Variants in CRIP2 observed in about 807,000 individuals in gnomAD.
CRIP2 encodes cysteine rich protein 2.
Under a neutral mutation model 31.3 loss-of-function variants are expected in CRIP2, and 31 were observed. The ratio of observed to expected loss-of-function variants is 0.99; its 90% confidence interval spans 0.74 to 1.34. The LOEUF (loss-of-function observed/expected upper bound fraction) is 1.34. Among genes scored for constraint, CRIP2 ranks in the 40% most tolerant of loss-of-function variants. CRIP2 has a pLI of 0.00. For synonymous variants in CRIP2, 177 were observed against 127.2 expected (o/e 1.39, Z -2.63); for missense variants, 389 against 301.6 (o/e 1.29, Z -2.15).
chr14:105,477,870 G>A (rs1426720231), intron 1 of CRIP2, among the ~76,000 whole-genome samples: 2 of 45,518 alleles, frequency 4.4e-5, no homozygotes, highest in African/African-American at 8.9e-5. Flanking sequence ...GTGTTGGAGC[G>A]CGGGCAGGTG....
At chr14:105,473,189 C>T, upstream of CRIP2, 1 of 1,526,372 alleles carries the variant, frequency 6.6e-7, no homozygotes, top group South Asian at 1.2e-5. Context: ...CTGTGAGGGA[C>T]CCCTAGGGAC....
intron 1 of CRIP2, 151 bp downstream of exon 1, chr14:105,475,056 C>A: frequency 9.9e-7 from 1 of 1,005,274 alleles, no homozygotes. Context: ...GGCCGCGCTG[C>A]CCAAGCGGCT....
At chr14:105,474,389 C>A (rs1555435296), upstream of CRIP2, 1 of 151,706 alleles carries the variant, frequency 6.6e-6, no homozygotes, top group Non-Finnish European at 1.5e-5. This position sits in a 1 kb window ranked among gnomAD's most constrained non-coding sequence, Gnocchi z 5.1. Context: ...TCTCCCGGAG[C>A]CTGCGACCCC....
chr14:105,475,973 T>C, intron 1 of CRIP2: 4 of 985,490 alleles, frequency 4.1e-6, no homozygotes, highest in Non-Finnish European at 4.8e-6. Context: ...GCTCACAGGC[T>C]GGAGGGGGTT....
rs1657864355 is a variant in CRIP2 at position 105,478,144 on chromosome 14, C to T, written c.44-122C>T. On this transcript the variant is annotated intron_variant, in intron 1 of 7. Coordinates refer to ENST00000329146, the MANE Select transcript of CRIP2 (RefSeq NM_001312.4). This position sits in a 1 kb window ranked among gnomAD's most constrained non-coding sequence, Gnocchi z 4.9. ...GGGCCCGCCAGGTGGAAGGAAGGCG[C>T]CTGGGAGACCTCCTGAAAGTGGGGA... 5.4e-6 allele frequency: 4 copies of T among 736,270 alleles called. No individual in the cohort carries two copies. The highest frequency in any genetic ancestry group is 3.3e-5 in the Admixed American group (1 of 30,074). The allele number at this position is 736,270 out of a possible 1,614,324, so 45.6% of individuals were successfully genotyped here.
chr14:105,474,243 A>ATGGAGACCCGGACAGGGC (rs2083886875), upstream of CRIP2: 2 of 149,624 alleles, frequency 1.3e-5, no homozygotes, highest in Non-Finnish European at 3.0e-5. This position sits in a 1 kb window ranked among gnomAD's most constrained non-coding sequence, Gnocchi z 5.1. Context: ...GGAGCGGGAC[A>ATGGAGACCCGGACAGGGC]TGGAGACCCG....
At chr14:105,473,806 T>G (rs1555435223), upstream of CRIP2, among the ~76,000 whole-genome samples, 1 of 151,834 alleles carries the variant, frequency 6.6e-6, no homozygotes, top group Non-Finnish European at 1.5e-5. Flanking sequence ...AGTGGGGGTG[T>G]GGGGGTGCGG....
rs2083990914 is a variant in CRIP2, at chr14:105,478,170, C to T, written c.44-96C>T. 6.0e-6 allele frequency: 6 copies of T among 993,792 alleles called. No individual in the cohort carries two copies. The South Asian group carries it at 8.7e-5, about 14-fold the overall frequency. The allele number at this position is 993,792 out of a possible 1,614,324, so 61.6% of individuals were successfully genotyped here. A position where few individuals can be genotyped will look rare whatever the true frequency, so the allele number is the denominator to read the frequency against. On this transcript the variant is annotated intron_variant, in intron 1 of 7. Transcript: ENST00000329146. The surrounding 1 kb of genome is among the most constrained non-coding windows in gnomAD (Gnocchi z 4.9). Reference sequence around the variant, plus strand: ...CTGGGAGACCTCCTGAAAGTGGGGACCCCCGGAGCGCGTGGGGGTGGTGGC... The same window carrying T: ...CTGGGAGACCTCCTGAAAGTGGGGATCCCCGGAGCGCGTGGGGGTGGTGGC...
Position 105,478,125 on chromosome 14 carries a change from G to C in CRIP2, c.44-141G>C. The C allele has an allele frequency of 1.6e-6, 1 of 642,224 alleles. No homozygotes were observed. The allele number at this position is 642,224 out of a possible 1,614,324, so 39.8% of individuals were successfully genotyped here. On this transcript the variant is annotated intron_variant, in intron 1 of 7. Coordinates refer to ENST00000329146, the MANE Select transcript of CRIP2 (RefSeq NM_001312.4). This position sits in a 1 kb window ranked among gnomAD's most constrained non-coding sequence, Gnocchi z 4.9. ...GGTCTCAGAAGGAGGGGCAGGGCCC[G>C]CCAGGTGGAAGGAAGGCGCCTGGGA...
At chr14:105,479,278 G>A (rs922463911) in intron 6 of CRIP2, 59 bp downstream of exon 6, 4 of 1,534,918 alleles carry the variant, frequency 2.6e-6, no homozygotes, top group Non-Finnish European at 3.5e-6. Flanking sequence ...GGGGGGATGA[G>A]GGTGAGAGGC....
chr14:105,478,868 A>G lies in CRIP2; in HGVS notation c.334A>G (p.Arg112Gly), dbSNP rs2084016518. 7.0e-7 allele frequency: 1 copy of G among 1,436,506 alleles called. No homozygotes were observed. Among genetic ancestry groups the G allele is most frequent in the Non-Finnish European group, 9.0e-7 (1 of 1,106,244 alleles). 89.0% of individuals were successfully genotyped at this position (1,436,506 alleles called of 1,614,324 possible). ...KASGPPKGPS[R>G]ASSVTTFTGE... ...GAGCGGCCCCCCGAAGGGGCCCAGC[A>G]GAGGTGGGCTGGGCGCGGGCTGGGG... is the stretch of plus-strand genomic sequence containing the variant. The change falls in exon 4 of 8, where the codon AGA becomes GGA. Residue 112 changes from arginine to glycine, a missense_variant. Physicochemically the swap from Arg to Gly is moderately radical, Grantham distance 125. Transcript: ENST00000329146. This position sits in a 1 kb window ranked among gnomAD's most constrained non-coding sequence, Gnocchi z 4.9.
intron 1 of CRIP2, chr14:105,477,378 G>A (rs587694445): frequency 1.3e-5 from 13 of 985,130 alleles, no homozygotes; most frequent in Non-Finnish European, 1.6e-5. Flanking sequence ...GGTTTAGGAC[G>A]AGGAATCCAC....
At position 105,478,714 on chromosome 14, in the gene CRIP2, C is replaced by T. The variant is rs1555436488; in HGVS notation, c.197-17C>T. 1.3e-5 allele frequency: 18 copies of T among 1,434,658 alleles called. No individual in the cohort carries two copies. The allele number at this position is 1,434,658 out of a possible 1,614,324, so 88.9% of individuals were successfully genotyped here. Reference sequence around the variant, plus strand: ...CCCCACCCCACGTACCCCCGCCCCACGTACCCCCACCCGCAGGCGTGAACA... The same window carrying T: ...CCCCACCCCACGTACCCCCGCCCCATGTACCCCCACCCGCAGGCGTGAACA... On this transcript the variant is annotated splice_polypyrimidine_tract_variant and intron_variant, in intron 3 of 7. Coordinates refer to ENST00000329146, the MANE Select transcript of CRIP2 (RefSeq NM_001312.4). This position sits in a 1 kb window ranked among gnomAD's most constrained non-coding sequence, Gnocchi z 4.9.
At chr14:105,479,291 G>T in intron 6 of CRIP2, 72 bp downstream of exon 6, 2 of 1,508,254 alleles carry the variant, frequency 1.3e-6, no homozygotes, top group Non-Finnish European at 1.8e-6. Flanking sequence ...TGAGAGGCGC[G>T]CCTAGAGGGG....
Position 105,479,764 on chromosome 14 carries a change from C to A in CRIP2, c.*111C>A. 1 of 1,238,272 alleles carries A rather than the reference C, an allele frequency of 8.1e-7. No individual in the cohort carries two copies. The highest frequency in any genetic ancestry group is 1.1e-6 in the Non-Finnish European group (1 of 882,296). The allele number at this position is 1,238,272 out of a possible 1,614,324, so 76.7% of individuals were successfully genotyped here. A position where few individuals can be genotyped will look rare whatever the true frequency, so the allele number is the denominator to read the frequency against. On this transcript the variant is annotated 3_prime_UTR_variant, in exon 8 of 8. Coordinates refer to ENST00000329146, the MANE Select transcript of CRIP2 (RefSeq NM_001312.4). ...AGCCGCCCAGTCCTGCCTGCAAGCC[C>A]AGGGCGAGTATTGGAGGAGGGGCAG...
chr14:105,473,362 A>G, upstream of CRIP2: 1 of 1,535,422 alleles, frequency 6.5e-7, no homozygotes, highest in Non-Finnish European at 8.7e-7. Flanking sequence ...GCCTGCTGTC[A>G]CCATGGAAAT....
chr14:105,475,224 C>G (rs1260126496), intron 1 of CRIP2: 1 of 278,074 alleles, frequency 3.6e-6, no homozygotes, highest in Non-Finnish European at 6.7e-6. Flanking sequence ...GGACGCATCC[C>G]GGTTCCTCGG....
Position 105,477,698 on chromosome 14 carries a change from T to TGTGGGGAAG in CRIP2, c.44-568_44-567insGTGGGGAAG, listed in dbSNP as rs1567061419. On this transcript the variant is annotated intron_variant, in intron 1 of 7. Coordinates refer to ENST00000329146, the MANE Select transcript of CRIP2 (RefSeq NM_001312.4). ...GTGTGTGGGGGGAAGCGGGTGTGTG[T>TGTGGGGAAG]CTGAGGAAGCGGGTGTGTGTGGGGG... The TGTGGGGAAG allele has an allele frequency of 1.2e-3, 130 of 105,210 alleles. 23 individuals carry two copies. The highest frequency in any genetic ancestry group is 0.012 in the African/African-American group (30 of 2,454). The allele number at this position is 105,210 out of a possible 1,614,324, so 6.5% of individuals were successfully genotyped here.
intron 1 of CRIP2, chr14:105,477,312 C>G (rs115207549): frequency 1.0e-6 from 1 of 985,406 alleles, no homozygotes; most frequent in Non-Finnish European, 1.2e-6. Flanking sequence ...AGCAGCTGCC[C>G]TCAGATCTTC....
Sources: allele counts gnomAD v4.1 joint callset (sites outside exome capture counted in the v4.1 genomes callset), GRCh38; gene constraint gnomAD v4.1.1; non-coding constraint Gnocchi (gnomAD v3.1); transcripts MANE v1.5; gene names NCBI Gene and HGNC (gene_info 2026-07-23, HGNC 2026-07-21).